ZNF292: variants seen among roughly 807,000 people sequenced by gnomAD.
ZNF292 encodes 16 zinc-finger domain protein.
Under a neutral mutation model 217.9 loss-of-function variants are expected in ZNF292, and 26 were observed. The observed-to-expected ratio is 0.12, with a 90% CI of 0.09 to 0.17. ZNF292 has a LOEUF of 0.17. Among genes scored for constraint, ZNF292 ranks in the 10% least tolerant of loss-of-function variants. The probability of loss-of-function intolerance (pLI) is 1.00; values close to 1 mark genes in which losing one functional copy is unlikely to be tolerated. For missense variants in ZNF292, 2,904 were observed against 3,175.2 expected, an observed-to-expected ratio of 0.91 and a Z score of 2.05; for synonymous variants, 1,257 against 1,124.1, an observed-to-expected ratio of 1.12 and a Z score of -2.37.
Position 87,258,348 on chromosome 6 carries a change from T to C in ZNF292, c.4719T>C (p.Asn1573=). The C allele has an allele frequency of 6.2e-7, 1 of 1,613,710 alleles. No homozygotes were observed. The highest frequency in any genetic ancestry group is 8.5e-7 in the Non-Finnish European group (1 of 1,179,790). The change falls in exon 8 of 8, where the codon AAT becomes AAC. Residue 1573 remains asparagine (N), a synonymous_variant. Coordinates refer to ENST00000369577, the MANE Select transcript of ZNF292 (RefSeq NM_015021.3). ...GCAGCTTGCCTGTTTTTCCAACGAA[T>C]GACTTACTACTGAAGACTGTTGAAA... The part of the protein sequence containing the change: ...ECSSLPVFPT[N]DLLLKTVENG...
At chr6:87,239,419 G>A (rs1447785940) in intron 5 of ZNF292, among the ~76,000 whole-genome samples, 45 of 151,336 alleles carry the variant, frequency 3.0e-4, no homozygotes, top group African/African-American at 9.5e-4. Context: ...CCTCCCAGAC[G>A]GGGTGGCTGG....
chr6:87,177,982 A>G (rs374330630), intron 1 of ZNF292, among the ~76,000 whole-genome samples: 79 of 152,250 alleles, frequency 5.2e-4, no homozygotes, highest in African/African-American at 1.8e-3. Context: ...CTGTTCTTAT[A>G]CTACAGCTTA....
chr6:87,233,509 T>C lies in ZNF292; in HGVS notation c.723T>C (p.Asn241=), dbSNP rs1282038833. 1.2e-6 allele frequency: 2 copies of C among 1,610,918 alleles called. No homozygotes were observed. Among genetic ancestry groups the C allele is most frequent in the East Asian group, 4.5e-5 (2 of 44,788 alleles). ...YLVCLCTSSP[N]GKLIEEISEV... is the part of the protein sequence containing the mutation. ...TCTGTCTTTGTACATCATCACCAAA[T>C]GGAAAGTTAATCGAAGAGGTGAGTA... is the stretch of plus-strand genomic sequence containing the variant. Residue 241 remains asparagine (N), a synonymous_variant, in exon 5 of 8, where the codon AAT becomes AAC. Transcript: ENST00000369577.
intron 3 of ZNF292, among the ~76,000 whole-genome samples, chr6:87,217,785 G>C (rs945686605): frequency 1.3e-5 from 2 of 152,064 alleles, no homozygotes; most frequent in African/African-American, 4.8e-5. Context: ...TAGACTTTTT[G>C]TTTGAACATA....
intron 4 of ZNF292, chr6:87,222,877 T>G (rs1773158271): frequency 2.2e-6 from 1 of 452,432 alleles, no homozygotes; most frequent in African/African-American, 2.0e-5. Flanking sequence ...CTTGACAGTT[T>G]TGAGGAGTAC....
intron 1 of ZNF292, among the ~76,000 whole-genome samples, chr6:87,198,211 TA>T: frequency 6.7e-6 from 1 of 148,988 alleles, no homozygotes; most frequent in Non-Finnish European, 1.5e-5. Context: ...TTTATTTATT[TA>T]TTTATTTTTT....
chr6:87,234,558 CA>C lies in ZNF292; in HGVS notation c.741+1046del, dbSNP rs1038739720. On this transcript the variant is annotated intron_variant, in intron 5 of 7. Coordinates refer to ENST00000369577, the MANE Select transcript of ZNF292 (RefSeq NM_015021.3). ...TGGGTGACAGTGTGAGACTCTGTCG[CA>C]AAAAAAAAAAAAAATTTTTTTTAAA... Among the ~76,000 whole-genome samples, 501 of 118,074 alleles carry C rather than the reference CA, an allele frequency of 4.2e-3. 1 individual carries two copies. The highest frequency in any genetic ancestry group is 6.8e-3 in the African/African-American group (215 of 31,582). 77.5% of individuals were successfully genotyped at this position (118,074 alleles called of 152,430 possible). A position where few individuals can be genotyped will look rare whatever the true frequency, so the allele number is the denominator to read the frequency against.
At chr6:87,179,157 G>GTTTTTT (rs761911529) in intron 1 of ZNF292, among the ~76,000 whole-genome samples, 1 of 73,362 alleles carries the variant, frequency 1.4e-5, no homozygotes, top group African/African-American at 8.5e-5. Flanking sequence ...GATATATGTG[G>GTTTTTT]CTTTTTTTTT....
intron 5 of ZNF292, among the ~76,000 whole-genome samples, chr6:87,238,485 CAA>C (rs752151881): frequency 1.4e-4 from 14 of 99,636 alleles, no homozygotes; most frequent in Non-Finnish European, 1.5e-4. Flanking sequence ...GTCTCCATCT[CAA>C]AAAAAAAAAA....
At position 87,155,735 on chromosome 6, in the gene ZNF292, C is replaced by T. The variant is rs1370814600; in HGVS notation, c.144C>T (p.Thr48=). The change falls in exon 1 of 8, where the codon ACC becomes ACT. Residue 48 remains threonine, a synonymous_variant. Transcript: ENST00000369577. Reference sequence around the variant, plus strand: ...GGGTACCGGCCGTGGAAGCGGCCACCGACTACTGTCAGCAGCTGTGCCAGG... The same window carrying T: ...GGGTACCGGCCGTGGAAGCGGCCACTGACTACTGTCAGCAGCTGTGCCAGG... The part of the protein sequence containing the change: ...ESRVPAVEAA[T]DYCQQLCQTL... 1.9e-6 allele frequency: 3 copies of T among 1,599,762 alleles called. No homozygotes were observed. The highest frequency in any genetic ancestry group is 1.7e-6 in the Non-Finnish European group (2 of 1,174,796).
intron 5 of ZNF292, among the ~76,000 whole-genome samples, chr6:87,243,138 C>T (rs1774388479): frequency 6.6e-6 from 1 of 151,758 alleles, no homozygotes; most frequent in Non-Finnish European, 1.5e-5. Context: ...ATGATCAGAT[C>T]TGATTTAATG....
In ZNF292 at chr6:87,212,152, T is replaced by C. The variant is rs150034116; in HGVS notation, c.169-3751T>C. On this transcript the variant is annotated intron_variant, in intron 1 of 7. Coordinates refer to ENST00000369577, the MANE Select transcript of ZNF292 (RefSeq NM_015021.3). ...CTATACTTACTATTACAAGGTATTA[T>C]AAAGGATACAAATGAACAGCCAGAT... Among the ~76,000 whole-genome samples, 11 of 152,264 alleles carry C rather than the reference T, an allele frequency of 7.2e-5. No individual in the cohort carries two copies. The East Asian group carries it at 2.1e-3, about 29-fold the overall frequency.
chr6:87,239,102 A>G (rs1160120207), intron 5 of ZNF292, among the ~76,000 whole-genome samples: 2 of 152,270 alleles, frequency 1.3e-5, no homozygotes, highest in African/African-American at 2.4e-5. Context: ...CACAGCAACA[A>G]TCTGATTTCT....
At chr6:87,217,941 T>A (rs927171407) in intron 3 of ZNF292, among the ~76,000 whole-genome samples, 1 of 152,150 alleles carries the variant, frequency 6.6e-6, no homozygotes, top group African/African-American at 2.4e-5. Context: ...CCCCATAAAG[T>A]CAGGGACTAG....
chr6:87,204,864 A>G (rs1772200368), intron 1 of ZNF292, among the ~76,000 whole-genome samples: 1 of 151,968 alleles, frequency 6.6e-6, no homozygotes, highest in African/African-American at 2.4e-5. Context: ...GCGCCTGGCC[A>G]CATTTAGGAT....
chr6:87,212,416 C>A (rs989281283), intron 1 of ZNF292, among the ~76,000 whole-genome samples: 2 of 152,156 alleles, frequency 1.3e-5, no homozygotes, highest in Non-Finnish European at 2.9e-5. Context: ...GGTGGGGCTA[C>A]AAGTTCCATC....
chr6:87,226,497 C>T (rs1479084533), intron 4 of ZNF292, among the ~76,000 whole-genome samples: 1 of 151,064 alleles, frequency 6.6e-6, no homozygotes, highest in Admixed American at 6.6e-5. Context: ...CAGATTATAC[C>T]CTACTATTTT....
chr6:87,236,870 G>A (rs1773930621), intron 5 of ZNF292, among the ~76,000 whole-genome samples: 1 of 152,038 alleles, frequency 6.6e-6, no homozygotes. Context: ...TCCATAGTAT[G>A]CATTTGTAAT....
intron 7 of ZNF292, among the ~76,000 whole-genome samples, chr6:87,252,188 G>A (rs1030674820): frequency 2.7e-5 from 4 of 150,892 alleles, no homozygotes; most frequent in Admixed American, 6.6e-5. Context: ...TTTTGCTCTC[G>A]TTGCCCAGGC....
Sources: gnomAD v4.1 joint callset for allele counts (sites outside exome capture counted in the v4.1 genomes callset) on GRCh38, gnomAD v4.1.1 for gene constraint, MANE v1.5 for transcripts, NCBI Gene and HGNC (gene_info 2026-07-23, HGNC 2026-07-21) for gene names.